SHANK2: variants seen among roughly 807,000 people sequenced by gnomAD.
SHANK2 encodes the protein SH3 and multiple ankyrin repeat domains 2.
Under a neutral mutation model 133.7 loss-of-function variants are expected in SHANK2, and 43 were observed. That is an observed-to-expected ratio of 0.32 (90% CI 0.25 to 0.41). The LOEUF (loss-of-function observed/expected upper bound fraction) is 0.41. Among genes scored for constraint, SHANK2 ranks in the 10% least tolerant of loss-of-function variants. The pLI is 1.00. For synonymous variants in SHANK2, 1,017 were observed against 952.8 expected (o/e 1.07, Z -1.24); for missense variants, 1,994 against 2,235.8 (o/e 0.89, Z 2.18).
At chr11:70,520,134 T>A (rs1554970774) in intron 17 of SHANK2, among the ~76,000 whole-genome samples, 1 of 152,192 alleles carries the variant, frequency 6.6e-6, no homozygotes, top group African/African-American at 2.4e-5. Context: ...GGAGTTCCCA[T>A]ACACTCCACA....
intron 14 of SHANK2, among the ~76,000 whole-genome samples, chr11:70,791,646 GTTTCCCCA>G (rs1947788719): frequency 6.6e-6 from 1 of 152,192 alleles, no homozygotes; most frequent in Non-Finnish European, 1.5e-5. Context: ...ATATGTTTCT[GTTTCCCCA>G]TTGCCTCAGG....
chr11:70,869,780 G>A (rs547974299), intron 11 of SHANK2, among the ~76,000 whole-genome samples: 2 of 152,206 alleles, frequency 1.3e-5, no homozygotes, highest in Non-Finnish European at 2.9e-5. Flanking sequence ...GTCCATGGTG[G>A]TGTTGTTGGA....
chr11:70,915,492 C>T (rs1415701482), intron 10 of SHANK2, among the ~76,000 whole-genome samples: 1 of 152,190 alleles, frequency 6.6e-6, no homozygotes, highest in African/African-American at 2.4e-5. Flanking sequence ...GGGACGGTGC[C>T]ATCCCAGGAG....
chr11:70,919,527 C>T (rs190384151), intron 10 of SHANK2, among the ~76,000 whole-genome samples: 84 of 152,192 alleles, frequency 5.5e-4, no homozygotes, highest in African/African-American at 1.8e-3. Context: ...GGACTAAAGG[C>T]GTGTACCACT....
intron 17 of SHANK2, among the ~76,000 whole-genome samples, chr11:70,541,370 A>G (rs1286037707): frequency 2.6e-5 from 4 of 152,150 alleles, no homozygotes; most frequent in African/African-American, 9.7e-5. Flanking sequence ...CCCACCAACC[A>G]TCCTTGGCTT....
chr11:70,674,593 C>G lies in SHANK2; in HGVS notation c.1854-12915G>C, dbSNP rs184183425. Among the ~76,000 whole-genome samples the G allele has an allele frequency of 3.9e-4, 60 of 152,352 alleles. No homozygotes were observed. The East Asian group carries it at 8.9e-3, about 23-fold the overall frequency. ...CGAACTCCTGACCTCAGGTAATTGG[C>G]CTGCCTCGGCCTCCCAAAGTGTTGG... On this transcript the variant is annotated intron_variant, in intron 15 of 25. Transcript: ENST00000601538.
chr11:70,954,585 T>C (rs1321141305), intron 10 of SHANK2, among the ~76,000 whole-genome samples: 1 of 152,236 alleles, frequency 6.6e-6, no homozygotes, highest in Non-Finnish European at 1.5e-5. Flanking sequence ...CTCACTTTCA[T>C]GGGCTGAGTC....
At chr11:70,877,349 G>C (rs1349663814) in intron 11 of SHANK2, among the ~76,000 whole-genome samples, 3 of 152,198 alleles carry the variant, frequency 2.0e-5, no homozygotes, top group African/African-American at 7.2e-5. Flanking sequence ...GGCTTCCTGG[G>C]CCGGATTTCT....
At chr11:71,092,719 G>C (rs1951540196) in intron 7 of SHANK2, 130 bp from the exon 8 acceptor site, 1 of 830,828 alleles carries the variant, frequency 1.2e-6, no homozygotes, top group Non-Finnish European at 1.9e-6. Context: ...AGTACCCAGT[G>C]CTTCTCCTGG....
chr11:71,170,302 C>T lies in SHANK2; in HGVS notation c.-12-22964G>A, dbSNP rs559576198. On this transcript the variant is annotated intron_variant, in intron 2 of 25. Transcript: ENST00000601538. ...TGTGCAAAATGCTAGACTAGAACAA[C>T]GTAGTGGTAATTTTGCTGAACAGAC... is the stretch of plus-strand genomic sequence containing the variant. 1.4e-3 allele frequency among the ~76,000 whole-genome samples: 216 copies of T among 152,174 alleles called. 5 individuals are homozygous for T. In the South Asian group the frequency reaches 0.043, roughly 30 times the overall value.
intron 14 of SHANK2, among the ~76,000 whole-genome samples, chr11:70,732,545 G>C (rs1284244146): frequency 1.3e-5 from 2 of 152,192 alleles, no homozygotes; most frequent in Non-Finnish European, 2.9e-5. Context: ...GCTGGGCTCA[G>C]CCTATGTGAC....
rs1175267272 is a variant in SHANK2, at chr11:71,175,564, G to C, written c.-12-28226C>G. 1.9e-5 allele frequency among the ~76,000 whole-genome samples: 2 copies of C among 106,876 alleles called. No individual in the cohort carries two copies. The highest frequency in any genetic ancestry group is 9.5e-5 in the African/African-American group (2 of 21,070). The allele number at this position is 106,876 out of a possible 152,430, so 70.1% of individuals were successfully genotyped here. ...GGAGAGGGAGAGGGAGAGAGAGAGA[G>C]AGAGAGAGAGAGAGAGAGAGAGAGA... On this transcript the variant is annotated intron_variant, in intron 2 of 25. Transcript: ENST00000601538. This position sits in a 1 kb window ranked among gnomAD's most constrained non-coding sequence, Gnocchi z 4.2.
intron 1 of SHANK2, among the ~76,000 whole-genome samples, chr11:71,245,436 C>T (rs749302692): frequency 1.6e-4 from 25 of 152,190 alleles, no homozygotes; most frequent in Admixed American, 3.3e-4. Flanking sequence ...CGTGCTCATA[C>T]ATAAAAAGCT....
At chr11:70,813,636 C>G (rs577991403) in intron 12 of SHANK2, among the ~76,000 whole-genome samples, 71 of 152,194 alleles carry the variant, frequency 4.7e-4, no homozygotes, top group Middle Eastern at 6.8e-3. Context: ...GCTGTCAGCT[C>G]AGGTCTCTGG....
intron 17 of SHANK2, among the ~76,000 whole-genome samples, chr11:70,590,452 T>A (rs1206278385): frequency 6.6e-6 from 1 of 152,192 alleles, no homozygotes; most frequent in Non-Finnish European, 1.5e-5. Flanking sequence ...TCAAACAGCA[T>A]TGCATGCTAC....
chr11:71,138,110 A>G (rs55987111), intron 3 of SHANK2, among the ~76,000 whole-genome samples: 55 of 53,672 alleles, frequency 1.0e-3, no homozygotes, highest in South Asian at 3.6e-3. Context: ...AGCTTCTAAC[A>G]GTAACGAACC....
At chr11:70,732,821 C>T (rs1946318193) in intron 14 of SHANK2, among the ~76,000 whole-genome samples, 1 of 152,266 alleles carries the variant, frequency 6.6e-6, no homozygotes, top group Non-Finnish European at 1.5e-5. Flanking sequence ...AGCTGCTTCA[C>T]ATCCCCAGCA....
rs139461636 is a variant in SHANK2 at position 70,542,437 on chromosome 11, A to AG, written c.2062-39507dup. Among the ~76,000 whole-genome samples, 409 of 152,248 alleles carry AG rather than the reference A, an allele frequency of 2.7e-3. 4 individuals carry two copies. The highest frequency in any genetic ancestry group is 9.5e-3 in the African/African-American group (393 of 41,546). The stretch of plus-strand genomic sequence containing the variant: ...GGAAGGACCCTCCCCTAGAGCCTAG[A>AG]GGGGGCTCATGGCTTTGCCCACACC... On this transcript the variant is annotated intron_variant, in intron 17 of 25. Transcript: ENST00000601538.
chr11:70,871,247 G>C (rs1949455795), intron 11 of SHANK2, among the ~76,000 whole-genome samples: 1 of 152,206 alleles, frequency 6.6e-6, no homozygotes, highest in African/African-American at 2.4e-5. Context: ...CACTTCAAAG[G>C]GGAGTCAGGG....
Sources: allele counts gnomAD v4.1 joint callset (sites outside exome capture counted in the v4.1 genomes callset), GRCh38; gene constraint gnomAD v4.1.1; non-coding constraint Gnocchi (gnomAD v3.1); transcripts MANE v1.5; gene names NCBI Gene and HGNC (gene_info 2026-07-23, HGNC 2026-07-21).